TAF3: variants seen among roughly 807,000 people sequenced by gnomAD.
The protein encoded by TAF3 is TATA-box binding protein associated factor 3.
In TAF3, 7 loss-of-function variants were observed where a neutral mutation model predicts 80.6. The ratio of observed to expected loss-of-function variants is 0.09; its 90% CI spans 0.05 to 0.16. The LOEUF (loss-of-function observed/expected upper bound fraction) is 0.16. TAF3 is among the 10% of genes least tolerant of loss of function. The pLI, the probability that TAF3 is intolerant of heterozygous loss-of-function variation, is 1.00. For synonymous variants in TAF3, 444 were observed against 446.1 expected, an observed-to-expected ratio of 1.00 and a Z score of 0.06; for missense variants, 921 against 1,140.2, an observed-to-expected ratio of 0.81 and a Z score of 2.77.
At position 7,895,472 on chromosome 10, in the gene TAF3, T is replaced by C. The variant is rs891523672; in HGVS notation, c.410-68448T>C. Among the ~76,000 whole-genome samples, 3 of 152,220 alleles carry C rather than the reference T, an allele frequency of 2.0e-5. No individual in the cohort carries two copies. The South Asian group carries it at 6.2e-4, about 32-fold the overall frequency. ...CAGACAATGCTTTTCTTGAAACCAA[T>C]GCATCACACTTTCTTACTGACATCA... On this transcript the variant is annotated intron_variant, in intron 2 of 6. Coordinates refer to ENST00000344293, the MANE Select transcript of TAF3 (RefSeq NM_031923.4).
intron 2 of TAF3, among the ~76,000 whole-genome samples, chr10:7,903,624 A>G (rs914635363): frequency 1.4e-4 from 22 of 152,242 alleles, no homozygotes; most frequent in Admixed American, 1.3e-3. Context: ...TAGCTGATGC[A>G]GTTTAGCATT....
intron 4 of TAF3, among the ~76,000 whole-genome samples, chr10:7,990,185 A>T (rs193173893): frequency 6.6e-6 from 1 of 152,132 alleles, no homozygotes; most frequent in Admixed American, 6.6e-5. Context: ...TCTGTATATG[A>T]ATACGTGAGT....
At chr10:7,838,366 T>TTTG (rs146500081) in intron 2 of TAF3, among the ~76,000 whole-genome samples, 36,289 of 151,512 alleles carry the variant, frequency 0.24, 4,507 homozygotes, top group Admixed American at 0.35. Flanking sequence ...TTTGTTTTTT[T>TTTG]TTGTTGTTGT....
chr10:7,957,602 A>C (rs909367496), intron 2 of TAF3, among the ~76,000 whole-genome samples: 1 of 152,166 alleles, frequency 6.6e-6, no homozygotes, highest in Non-Finnish European at 1.5e-5. Flanking sequence ...CTTGTGTGAA[A>C]ACTTACAACT....
rs764295714 is a variant in TAF3, at chr10:7,964,287, T to C, written c.777T>C (p.Thr259=). 4.3e-6 allele frequency: 7 copies of C among 1,614,190 alleles called. No homozygotes were observed. The South Asian group carries it at 6.6e-5, about 15-fold the overall frequency. The part of the protein sequence containing the change: ...LAPVAKSQMP[T]AKPLETKSFT... Reference sequence around the variant, plus strand: ...CAGTTGCAAAATCACAAATGCCAACTGCAAAACCATTAGAAACAAAGTCAT... The same window carrying C: ...CAGTTGCAAAATCACAAATGCCAACCGCAAAACCATTAGAAACAAAGTCAT... The change falls in exon 3 of 7, where the codon ACT becomes ACC. Residue 259 remains threonine (T), a synonymous_variant. Transcript: ENST00000344293. This position sits in a 1 kb window ranked among gnomAD's most constrained non-coding sequence, Gnocchi z 4.1.
At chr10:7,848,999 A>G (rs1365802438) in intron 2 of TAF3, among the ~76,000 whole-genome samples, 2 of 152,164 alleles carry the variant, frequency 1.3e-5, no homozygotes, top group Non-Finnish European at 2.9e-5. Flanking sequence ...AATGGTAGTA[A>G]CAAAGGGAAA....
At chr10:7,905,084 G>C (rs533802877) in intron 2 of TAF3, among the ~76,000 whole-genome samples, 1 of 152,248 alleles carries the variant, frequency 6.6e-6, no homozygotes, top group African/African-American at 2.4e-5. Context: ...TAGTAGGAGG[G>C]CATTTTCTTT....
chr10:7,987,410 G>A lies in TAF3; in HGVS notation c.2315+10087G>A, dbSNP rs542115489. Among the ~76,000 whole-genome samples the A allele has an allele frequency of 3.3e-5, 5 of 152,146 alleles. No homozygotes were observed. The East Asian group carries it at 9.7e-4, about 29-fold the overall frequency. On this transcript the variant is annotated intron_variant, in intron 4 of 6. Transcript: ENST00000344293. The stretch of plus-strand genomic sequence containing the variant: ...TAACAGATCATGAACATTTTTCCAT[G>A]TCTGTATGACATGGTATTTCATTTT...
At chr10:7,975,211 A>C (rs1268506586) in intron 3 of TAF3, 2 of 176,900 alleles carry the variant, frequency 1.1e-5, no homozygotes, top group African/African-American at 4.8e-5. Flanking sequence ...TTGTGGGCAC[A>C]GAGAAGTTTG....
chr10:7,862,211 G>T (rs1837155133), intron 2 of TAF3, among the ~76,000 whole-genome samples: 1 of 152,038 alleles, frequency 6.6e-6, no homozygotes. Flanking sequence ...AGCTTCTTGG[G>T]CTCCTCTTAG....
At chr10:7,933,838 T>C (rs1365233387) in intron 2 of TAF3, among the ~76,000 whole-genome samples, 1 of 152,216 alleles carries the variant, frequency 6.6e-6, no homozygotes, top group Non-Finnish European at 1.5e-5. Context: ...TATTATAATA[T>C]TGGAGAAGAA....
At chr10:7,932,668 A>G (rs1837878426) in intron 2 of TAF3, among the ~76,000 whole-genome samples, 1 of 124,670 alleles carries the variant, frequency 8.0e-6, no homozygotes, top group African/African-American at 3.3e-5. Context: ...TGTTCCACTT[A>G]ATTTTTTTTT....
chr10:7,952,914 T>C (rs564012054), intron 2 of TAF3, among the ~76,000 whole-genome samples: 2 of 152,352 alleles, frequency 1.3e-5, no homozygotes, highest in East Asian at 1.9e-4. Context: ...AAATATTTTA[T>C]AAGGAGATGT....
intron 2 of TAF3, among the ~76,000 whole-genome samples, chr10:7,826,440 GTT>G (rs1337968219): frequency 6.9e-6 from 1 of 145,274 alleles, no homozygotes; most frequent in Non-Finnish European, 1.5e-5. Flanking sequence ...ACAATTTAGT[GTT>G]TTTTTTGTTT....
chr10:8,006,500 C>T (rs567193950), intron 4 of TAF3, among the ~76,000 whole-genome samples: 2 of 152,240 alleles, frequency 1.3e-5, no homozygotes, highest in South Asian at 2.1e-4. Flanking sequence ...AAATATTCAT[C>T]GGTTATGATG....
intron 2 of TAF3, among the ~76,000 whole-genome samples, chr10:7,923,719 A>C (rs112379547): frequency 0.031 from 4,686 of 150,364 alleles, 110 homozygotes; most frequent in African/African-American, 0.069. Context: ...TTTAAACACA[A>C]AAAAAAAGGA....
chr10:7,838,599 C>G (rs1836876406), intron 2 of TAF3, among the ~76,000 whole-genome samples: 1 of 152,170 alleles, frequency 6.6e-6, no homozygotes, highest in Non-Finnish European at 1.5e-5. Context: ...CCAGGCTGGT[C>G]TCAAACTCCT....
chr10:7,854,548 G>A (rs1273654393), intron 2 of TAF3, among the ~76,000 whole-genome samples: 2 of 151,788 alleles, frequency 1.3e-5, no homozygotes, highest in Admixed American at 6.6e-5. Context: ...CTTCTGTGAG[G>A]TAAAGCAACT....
At chr10:7,845,331 C>T (rs1039426931) in intron 2 of TAF3, among the ~76,000 whole-genome samples, 1 of 151,902 alleles carries the variant, frequency 6.6e-6, no homozygotes, top group Non-Finnish European at 1.5e-5. Context: ...TGTGTGTGCA[C>T]ACGGTTCCTG....
Sources: gnomAD v4.1 joint callset for allele counts (sites outside exome capture counted in the v4.1 genomes callset) on GRCh38, gnomAD v4.1.1 for gene constraint, Gnocchi (gnomAD v3.1) non-coding constraint, MANE v1.5 for transcripts, NCBI Gene and HGNC (gene_info 2026-07-23, HGNC 2026-07-21) for gene names.